Variants in DGKH observed in about 807,000 individuals in gnomAD.
DGKH encodes DAG kinase eta.
In DGKH, 90 loss-of-function variants were observed where a neutral mutation model predicts 159.3. The ratio of observed to expected loss-of-function variants is 0.57; its 90% confidence interval spans 0.48 to 0.67. The LOEUF (loss-of-function observed/expected upper bound fraction) is 0.67, where lower values mean the gene tolerates loss of function less well. Ranked by LOEUF, DGKH falls within the 30% of genes least tolerant of loss-of-function variation. The pLI is 0.00. For missense variants in DGKH, 1,181 were observed against 1,506.1 expected (o/e 0.78, Z 3.57); for synonymous variants, 536 against 553.8 (o/e 0.97, Z 0.45).
At chr13:42,243,573 T>A (rs1410008541), downstream of DGKH, among the ~76,000 whole-genome samples, 3 of 152,070 alleles carry the variant, frequency 2.0e-5, no homozygotes, top group African/African-American at 7.2e-5. Context: ...TTATGTGCAG[T>A]GATAAAAAAT....
At chr13:42,204,893 C>G (rs1957426553) in intron 20 of DGKH, among the ~76,000 whole-genome samples, 1 of 152,104 alleles carries the variant, frequency 6.6e-6, no homozygotes, top group African/African-American at 2.4e-5. Flanking sequence ...ACTTAATACT[C>G]TTTTTAATGA....
At chr13:42,135,533 A>AG (rs1307239369) in intron 3 of DGKH, among the ~76,000 whole-genome samples, 2 of 150,518 alleles carry the variant, frequency 1.3e-5, no homozygotes, top group Non-Finnish European at 3.0e-5. Context: ...AAGAAAAAAA[A>AG]TAATAATTTA....
In DGKH at chr13:42,170,025, T is replaced by G. The variant is rs9590673; in HGVS notation, c.1367+1207T>G. ...ACCTTAAATATATACAATTTTTTAT[T>G]TGTCAATTATACCTAACTGGGGAAA... On this transcript the variant is annotated intron_variant, in intron 11 of 29. Transcript: ENST00000337343. Among the ~76,000 whole-genome samples, 1,469 of 152,324 alleles carry G rather than the reference T, an allele frequency of 9.6e-3. 23 individuals carry two copies. The highest frequency in any genetic ancestry group is 0.033 in the African/African-American group (1,375 of 41,570).
intron 7 of DGKH, 21 bp from the exon 8 acceptor site, chr13:42,165,310 G>A: frequency 7.8e-7 from 1 of 1,279,820 alleles, no homozygotes; most frequent in Non-Finnish European, 1.1e-6. Context: ...GATTCTTGAA[G>A]GTATATTTGT....
chr13:42,152,909 C>T lies in DGKH; in HGVS notation c.385-2382C>T, dbSNP rs562762348. Among the ~76,000 whole-genome samples the T allele has an allele frequency of 1.7e-3, 252 of 152,204 alleles. 1 individual carries two copies. Among genetic ancestry groups the T allele is most frequent in the Middle Eastern group, 6.8e-3 (2 of 294 alleles). On this transcript the variant is annotated intron_variant, in intron 3 of 29. Transcript: ENST00000337343. ...GCAGGTCCTGGGGCAGGTGTGAGTG[C>T]TTTTGGGCTCCAGCCCCACGGTAGC...
At chr13:42,106,753 G>GA (rs1954766184) in intron 1 of DGKH, among the ~76,000 whole-genome samples, 1 of 151,996 alleles carries the variant, frequency 6.6e-6, no homozygotes, top group African/African-American at 2.4e-5. Context: ...TGAAAATATT[G>GA]AAAAAAGAGG....
chr13:42,103,234 G>T (rs1352466402), intron 1 of DGKH, among the ~76,000 whole-genome samples: 6 of 152,120 alleles, frequency 3.9e-5, no homozygotes, highest in Admixed American at 3.9e-4. Context: ...AATGCAGCTG[G>T]GTTTTCTTCT....
intron 1 of DGKH, among the ~76,000 whole-genome samples, chr13:42,097,317 C>G (rs1335169702): frequency 6.6e-6 from 1 of 152,180 alleles, no homozygotes; most frequent in African/African-American, 2.4e-5. Context: ...CCCTATCTCC[C>G]CCATTTTTCA....
At chr13:42,117,515 T>C (rs1421695872) in intron 1 of DGKH, among the ~76,000 whole-genome samples, 3 of 152,232 alleles carry the variant, frequency 2.0e-5, no homozygotes, top group African/African-American at 7.2e-5. Flanking sequence ...CAGCTAAATC[T>C]TTTTAATCAT....
At chr13:42,199,159 A>G (rs1474575417) in intron 18 of DGKH, among the ~76,000 whole-genome samples, 1 of 152,162 alleles carries the variant, frequency 6.6e-6, no homozygotes, top group East Asian at 1.9e-4. Flanking sequence ...TTGCTCAATA[A>G]ATATTTGTCC....
At chr13:42,211,062 T>C (rs1037812153) in intron 24 of DGKH, among the ~76,000 whole-genome samples, 1 of 152,168 alleles carries the variant, frequency 6.6e-6, no homozygotes, top group Non-Finnish European at 1.5e-5. Flanking sequence ...ATAAAAAGAC[T>C]TCAAAAACCA....
chr13:42,160,494 A>G (rs548532962), intron 7 of DGKH, among the ~76,000 whole-genome samples: 1 of 152,216 alleles, frequency 6.6e-6, no homozygotes, highest in Non-Finnish European at 1.5e-5. Context: ...GACATGTGAC[A>G]TGTAAATTTG....
At chr13:42,062,498 G>A (rs922793242) in intron 1 of DGKH, among the ~76,000 whole-genome samples, 2 of 152,124 alleles carry the variant, frequency 1.3e-5, no homozygotes, top group Non-Finnish European at 2.9e-5. Context: ...CAGTTATAAA[G>A]TCGTATTACC....
At chr13:42,113,880 G>A (rs1019013729) in intron 1 of DGKH, among the ~76,000 whole-genome samples, 6 of 152,134 alleles carry the variant, frequency 3.9e-5, no homozygotes, top group Non-Finnish European at 7.4e-5. Flanking sequence ...ATATATTGTG[G>A]TGAAGATAGG....
chr13:42,065,035 A>G (rs1882458726), intron 1 of DGKH, among the ~76,000 whole-genome samples: 1 of 152,202 alleles, frequency 6.6e-6, no homozygotes, highest in Non-Finnish European at 1.5e-5. Flanking sequence ...AAGGAGATAA[A>G]ACCTTCAGCC....
chr13:42,114,123 C>G (rs1033554725), intron 1 of DGKH, among the ~76,000 whole-genome samples: 2 of 152,080 alleles, frequency 1.3e-5, no homozygotes, highest in African/African-American at 4.8e-5. Context: ...GATAGCTTCC[C>G]CTAATAACAA....
At position 42,166,530 on chromosome 13, in the gene DGKH, C is replaced by A. The variant is rs61756564; in HGVS notation, c.974C>A (p.Thr325Lys). The A allele has an allele frequency of 2.5e-3, 3,922 of 1,547,120 alleles. 11 individuals carry two copies. Among genetic ancestry groups the A allele is most frequent in the Non-Finnish European group, 2.9e-3 (3,341 of 1,146,622 alleles). ...STDSDGFCRA[T>K]FSFCVSPLLV... ...TTTTTCACAGGTTTCTGTAGAGCAA[C>A]ATTTTCGTTCTGTGTTAGTCCTCTA... is the stretch of plus-strand genomic sequence containing the variant. Residue 325 changes from threonine to lysine, a missense_variant, in exon 9 of 30, where the codon ACA becomes AAA. Coordinates refer to ENST00000337343, the MANE Select transcript of DGKH (RefSeq NM_178009.5).
chr13:42,119,745 G>T, intron 1 of DGKH, among the ~76,000 whole-genome samples: 2 of 152,164 alleles, frequency 1.3e-5, no homozygotes, highest in Admixed American at 1.3e-4. Flanking sequence ...CATTTCAGTA[G>T]CTTTAAGTAT....
upstream of DGKH, among the ~76,000 whole-genome samples, chr13:42,048,408 T>G (rs947641427): frequency 0.035 from 5 of 144 alleles, no homozygotes; most frequent in African/African-American, 0.14. The surrounding 1 kb of genome is among the most constrained non-coding windows in gnomAD (Gnocchi z 6.7). Context: ...CTGTCCATCC[T>G]AGGGACCCAG....
Sources: allele counts gnomAD v4.1 joint callset (sites outside exome capture counted in the v4.1 genomes callset), GRCh38; gene constraint gnomAD v4.1.1; non-coding constraint Gnocchi (gnomAD v3.1); transcripts MANE v1.5; gene names NCBI Gene and HGNC (gene_info 2026-07-23, HGNC 2026-07-21).